Variants in ARHGAP44 observed in about 807,000 individuals in gnomAD.
ARHGAP44 encodes the protein rho GTPase-activating protein 44.
Under a neutral mutation model 106.8 loss-of-function variants are expected in ARHGAP44, and 43 were observed. The observed-to-expected ratio is 0.40, with a 90% CI of 0.32 to 0.52. ARHGAP44 has a LOEUF of 0.52. ARHGAP44 is among the 20% of genes least tolerant of loss of function. The pLI, the probability that ARHGAP44 is intolerant of heterozygous loss-of-function variation, is 0.48. For synonymous variants in ARHGAP44, 439 were observed against 410.3 expected, an observed-to-expected ratio of 1.07 and a Z score of -0.85; for missense variants, 866 against 1,050.5, an observed-to-expected ratio of 0.82 and a Z score of 2.43.
At position 12,954,399 on chromosome 17, in the gene ARHGAP44, A is replaced by T. The variant is rs116068813; in HGVS notation, c.1137-1468A>T. On this transcript the variant is annotated intron_variant, in intron 13 of 20. Coordinates refer to ENST00000379672, the MANE Select transcript of ARHGAP44 (RefSeq NM_014859.6). ...GAATCGGGTGGTTTCAACTTATGGCATGTTGCTGACCACAGCCCTAGGCCG... is the reference window on the plus strand; with the variant it reads ...GAATCGGGTGGTTTCAACTTATGGCTTGTTGCTGACCACAGCCCTAGGCCG... 4.0e-3 allele frequency among the ~76,000 whole-genome samples: 605 copies of T among 152,322 alleles called. 3 individuals are homozygous for T. Among genetic ancestry groups the T allele is most frequent in the African/African-American group, 0.014 (576 of 41,588 alleles).
intron 1 of ARHGAP44, among the ~76,000 whole-genome samples, chr17:12,876,860 G>A (rs867465341): frequency 2.7e-5 from 4 of 148,852 alleles, no homozygotes; most frequent in East Asian, 2.0e-4. Flanking sequence ...TTAGTGACCC[G>A]AGACTGTGCC....
At position 12,958,068 on chromosome 17, in the gene ARHGAP44, A is replaced by G. The variant is rs955771297; in HGVS notation, c.1343-649A>G. On this transcript the variant is annotated intron_variant, in intron 15 of 20. Coordinates refer to ENST00000379672, the MANE Select transcript of ARHGAP44 (RefSeq NM_014859.6). This position sits in a 1 kb window ranked among gnomAD's most constrained non-coding sequence, Gnocchi z 4.1. The stretch of plus-strand genomic sequence containing the variant: ...AGGTAGGAGTCAAGACAGTAATCCT[A>G]TAGGTTCTGCGGCTGAGCTAATTCA... Among the ~76,000 whole-genome samples, 1 of 152,192 alleles carries G rather than the reference A, an allele frequency of 6.6e-6. No individual in the cohort carries two copies. Among genetic ancestry groups the G allele is most frequent in the African/African-American group, 2.4e-5 (1 of 41,444 alleles).
chr17:12,802,950 TATATATATATATATATATA>T (rs1455119960), intron 1 of ARHGAP44, among the ~76,000 whole-genome samples: 2,490 of 30,858 alleles, frequency 0.081, 166 homozygotes, highest in Non-Finnish European at 0.099. Flanking sequence ...TATATATATA[TATATATATATATATATATA>T]TTTTTTTTTT....
At chr17:12,794,061 G>A (rs891871508) in intron 1 of ARHGAP44, among the ~76,000 whole-genome samples, 1 of 152,182 alleles carries the variant, frequency 6.6e-6, no homozygotes, top group Admixed American at 6.5e-5. Flanking sequence ...CAAGATTTAC[G>A]GGAGAATTTG....
intron 1 of ARHGAP44, among the ~76,000 whole-genome samples, chr17:12,893,685 T>G (rs2037114449): frequency 6.6e-6 from 1 of 152,176 alleles, no homozygotes; most frequent in Admixed American, 6.5e-5. Flanking sequence ...TTTTGCTGGC[T>G]TGGGTGGAGT....
At chr17:12,961,564 G>A (rs902353278) in intron 16 of ARHGAP44, among the ~76,000 whole-genome samples, 41 of 152,078 alleles carry the variant, frequency 2.7e-4, no homozygotes, top group African/African-American at 8.9e-4. Context: ...CAGAAACCCC[G>A]TCTCTACTAA....
intron 1 of ARHGAP44, among the ~76,000 whole-genome samples, chr17:12,829,025 A>G (rs372629904): frequency 3.3e-5 from 5 of 152,166 alleles, no homozygotes; most frequent in Admixed American, 1.3e-4. Flanking sequence ...TATATGGCTT[A>G]GGAATCAAGA....
intron 1 of ARHGAP44, among the ~76,000 whole-genome samples, chr17:12,841,635 C>CAAAAAA (rs1232144002): frequency 1.5e-4 from 13 of 87,752 alleles, no homozygotes; most frequent in African/African-American, 5.1e-4. Flanking sequence ...CACACACACA[C>CAAAAAA]ACACAAACAA....
In ARHGAP44 at chr17:12,908,915, A is replaced by G. The variant is rs776783037; in HGVS notation, c.217A>G (p.Thr73Ala). ...DKRSKKLPLT[T>A]LAQCLMEGSA... ...TTTTCAGAAAAAGTTGCCTTTGACA[A>G]CACTGGCTCAGTGTCTGATGGAGGG... The change falls in exon 4 of 21, where the codon ACA becomes GCA. Residue 73 changes from threonine (T) to alanine (A), a missense_variant. Physicochemically the swap from Thr to Ala is moderately conservative, Grantham distance 58. Around this residue, in one of 2 missense-constraint regions of ARHGAP44, gnomAD observed 448 missense variants for 646.9 expected, o/e 0.69. Coordinates refer to ENST00000379672, the MANE Select transcript of ARHGAP44 (RefSeq NM_014859.6). 1 of 1,605,046 alleles carries G rather than the reference A, an allele frequency of 6.2e-7. No individual in the cohort carries two copies. Among genetic ancestry groups the G allele is most frequent in the South Asian group, 1.1e-5 (1 of 88,786 alleles).
intron 20 of ARHGAP44, among the ~76,000 whole-genome samples, chr17:12,989,745 A>C (rs1298033907): frequency 2.0e-5 from 3 of 152,198 alleles, no homozygotes; most frequent in Non-Finnish European, 4.4e-5. Context: ...TCTTATCAAG[A>C]ATAAAGGACC....
At chr17:12,802,140 G>A (rs1425866018) in intron 1 of ARHGAP44, among the ~76,000 whole-genome samples, 2 of 152,170 alleles carry the variant, frequency 1.3e-5, no homozygotes, top group Non-Finnish European at 1.5e-5. Flanking sequence ...AGCCTTTTAG[G>A]CCATTGCTAC....
At chr17:12,880,687 CAACTAG>C (rs1177423049) in intron 1 of ARHGAP44, among the ~76,000 whole-genome samples, 1 of 42,652 alleles carries the variant, frequency 2.3e-5, no homozygotes, top group African/African-American at 4.8e-5. Flanking sequence ...GTAGTGAAAT[CAACTAG>C]TGGTAGTGAA....
intron 1 of ARHGAP44, among the ~76,000 whole-genome samples, chr17:12,870,718 T>C (rs2036383664): frequency 6.6e-6 from 1 of 152,232 alleles, no homozygotes; most frequent in Admixed American, 6.5e-5. Context: ...CATACACATA[T>C]GTTATTTACA....
intron 16 of ARHGAP44, among the ~76,000 whole-genome samples, chr17:12,962,019 C>T (rs1412456334): frequency 6.6e-6 from 1 of 151,840 alleles, no homozygotes; most frequent in East Asian, 1.9e-4. Context: ...TCACACTGCT[C>T]ATTGAAACCC....
chr17:12,862,015 A>G (rs2036101230), intron 1 of ARHGAP44, among the ~76,000 whole-genome samples: 1 of 152,174 alleles, frequency 6.6e-6, no homozygotes, highest in African/African-American at 2.4e-5. Flanking sequence ...CTCAGTGTCT[A>G]TCTGAACCAT....
intron 5 of ARHGAP44, chr17:12,917,366 C>A (rs1268698038): frequency 6.5e-6 from 1 of 152,834 alleles, no homozygotes; most frequent in East Asian, 1.9e-4. Flanking sequence ...AGTCCAGGAA[C>A]CTCAGAAGCT....
chr17:12,841,733 G>C (rs2035414412), intron 1 of ARHGAP44, among the ~76,000 whole-genome samples: 1 of 151,956 alleles, frequency 6.6e-6, no homozygotes, highest in African/African-American at 2.4e-5. Flanking sequence ...CCCTGGGCAT[G>C]CTACTTAACC....
chr17:12,965,260 C>T (rs1387893742), intron 16 of ARHGAP44, among the ~76,000 whole-genome samples: 1 of 152,150 alleles, frequency 6.6e-6, no homozygotes. Context: ...AGGCCTGAAA[C>T]CCGACGCACC....
chr17:12,830,612 G>C (rs1328810123), intron 1 of ARHGAP44, among the ~76,000 whole-genome samples: 2 of 152,156 alleles, frequency 1.3e-5, no homozygotes, highest in Non-Finnish European at 2.9e-5. Context: ...CATTTGCCTT[G>C]CGACCTTAGG....
Sources: allele counts gnomAD v4.1 joint callset (sites outside exome capture counted in the v4.1 genomes callset), GRCh38; gene constraint gnomAD v4.1.1; regional missense constraint gnomAD v4.1.1; non-coding constraint Gnocchi (gnomAD v3.1); transcripts MANE v1.5; gene names NCBI Gene and HGNC (gene_info 2026-07-23, HGNC 2026-07-21).